EXD1: variants seen among roughly 807,000 people sequenced by gnomAD.
The protein encoded by EXD1 is exonuclease 3'-5' domain containing 1, also known as piRNA biogenesis protein EXD1.
Under a neutral mutation model 49.1 loss-of-function variants are expected in EXD1, and 63 were observed. That is an observed-to-expected ratio of 1.28 (90% CI 1.05 to 1.58). The LOEUF (loss-of-function observed/expected upper bound fraction) is 1.58. Among genes scored for constraint, EXD1 ranks in the 40% most tolerant of loss-of-function variants. EXD1 has a pLI of 0.00. For synonymous variants in EXD1, 234 were observed against 239.2 expected, an observed-to-expected ratio of 0.98 and a Z score of 0.20; for missense variants, 748 against 666.0, an observed-to-expected ratio of 1.12 and a Z score of -1.36.
At chr15:41,186,317 T>C (rs1030519098) in intron 11 of EXD1, among the ~76,000 whole-genome samples, 3 of 151,578 alleles carry the variant, frequency 2.0e-5, no homozygotes, top group African/African-American at 7.3e-5. Context: ...ACTAAAAATA[T>C]AAAAATTAGC....
intron 2 of EXD1, among the ~76,000 whole-genome samples, chr15:41,220,788 CT>C (rs2047076342): frequency 6.6e-6 from 1 of 152,158 alleles, no homozygotes; most frequent in Non-Finnish European, 1.5e-5. Flanking sequence ...GAGTTCCACC[CT>C]CACTATTCCA....
chr15:41,214,993 C>T (rs1481481667), intron 6 of EXD1, among the ~76,000 whole-genome samples: 2 of 152,136 alleles, frequency 1.3e-5, no homozygotes, highest in Non-Finnish European at 2.9e-5. Flanking sequence ...GATCCACCCG[C>T]CTCAGCCTCC....
At chr15:41,213,409 C>T (rs1388224897) in intron 6 of EXD1, among the ~76,000 whole-genome samples, 4 of 152,024 alleles carry the variant, frequency 2.6e-5, no homozygotes, top group African/African-American at 7.3e-5. Flanking sequence ...CCATGTTGGT[C>T]GGGCTGGTCT....
chr15:41,199,109 G>C (rs561799853), intron 7 of EXD1, among the ~76,000 whole-genome samples: 1 of 151,976 alleles, frequency 6.6e-6, no homozygotes, highest in African/African-American at 2.4e-5. Context: ...ACAGGTGCAC[G>C]CCAACACACC....
At chr15:41,228,595 T>C (rs979861437) in intron 1 of EXD1, among the ~76,000 whole-genome samples, 3 of 152,136 alleles carry the variant, frequency 2.0e-5, no homozygotes, top group Non-Finnish European at 4.4e-5. Context: ...TCAGAGAGTC[T>C]AAGAAAAACC....
chr15:41,225,238 C>G (rs1295584053), intron 2 of EXD1, among the ~76,000 whole-genome samples: 1 of 152,144 alleles, frequency 6.6e-6, no homozygotes, highest in East Asian at 1.9e-4. Context: ...CTGCTGAAGT[C>G]AAAAACAATT....
chr15:41,230,620 G>A lies in EXD1; in HGVS notation c.-195C>T, dbSNP rs1218505393. Reference sequence around the variant, plus strand: ...CTAAAAGAAGAGGGGCTGCAATGAAGGAAGAAGTCTCGGGACGCTCCACGC... The same window carrying A: ...CTAAAAGAAGAGGGGCTGCAATGAAAGAAGAAGTCTCGGGACGCTCCACGC... On this transcript the variant is annotated 5_prime_UTR_variant, in exon 1 of 12. Transcript: ENST00000458580. 6.6e-7 allele frequency: 1 copy of A among 1,512,660 alleles called. No homozygotes were observed. Among genetic ancestry groups the A allele is most frequent in the African/African-American group, 1.4e-5 (1 of 72,034 alleles). The allele number at this position is 1,512,660 out of a possible 1,614,324, so 93.7% of individuals were successfully genotyped here.
intron 2 of EXD1, among the ~76,000 whole-genome samples, chr15:41,223,720 C>T (rs904632507): frequency 3.3e-5 from 5 of 151,444 alleles, no homozygotes; most frequent in Non-Finnish European, 5.9e-5. Context: ...GAAAAATCAG[C>T]CGGGCGTGGT....
chr15:41,191,665 A>T, intron 9 of EXD1, 80 bp from the exon 10 acceptor site: 7 of 1,340,776 alleles, frequency 5.2e-6, no homozygotes, highest in Non-Finnish European at 7.2e-6. Flanking sequence ...ATTTAGAGAA[A>T]TGTCTAAATA....
Position 41,191,483 on chromosome 15 carries a change from T to G in EXD1, c.823A>C (p.Lys275Gln). ...SLIKHLQVAP[K>Q]YLSFLEKRQK... The stretch of plus-strand genomic sequence containing the variant: ...CTCTTTTCTAGAAAGGAGAGATATT[T>G]AGGGGCTACTTGAAGGTGTTTGATT... Residue 275 changes from lysine to glutamine, a missense_variant, in exon 10 of 12, where the codon AAA becomes CAA. By Grantham distance (53) the Lys-to-Gln change is moderately conservative. Transcript: ENST00000458580. 6.2e-7 allele frequency: 1 copy of G among 1,612,884 alleles called. No homozygotes were observed. The highest frequency in any genetic ancestry group is 8.5e-7 in the Non-Finnish European group (1 of 1,178,962).
chr15:41,184,297 T>A lies in EXD1; in HGVS notation c.1353A>T (p.Gln451His). 6.8e-6 allele frequency: 11 copies of A among 1,614,218 alleles called. No individual in the cohort carries two copies. The highest frequency in any genetic ancestry group is 6.8e-6 in the Non-Finnish European group (8 of 1,180,038). ...CCCCTTCCTCTGTGGGAGGTAGATG[T>A]TGAGGATTTGTAGCTTGTTTATTCA... ...ESLNKQATNP[Q>H]HLPPTEEGET... The change falls in exon 12 of 12, where the codon CAA becomes CAT. Residue 451 changes from glutamine (Q) to histidine (H), a missense_variant. Gln to His is a conservative substitution (Grantham distance 24). Transcript: ENST00000458580.
chr15:41,217,234 T>G, intron 3 of EXD1, 80 bp from the exon 4 acceptor site: 1 of 1,165,954 alleles, frequency 8.6e-7, no homozygotes, highest in South Asian at 1.3e-5. Flanking sequence ...ACACCCCTAG[T>G]TTAACCATGT....
intron 9 of EXD1, chr15:41,191,960 T>C: frequency 5.5e-6 from 1 of 182,322 alleles, no homozygotes; most frequent in Non-Finnish European, 1.1e-5. Context: ...ACTTTTTTTT[T>C]TTTAAGAGAC....
In EXD1 at chr15:41,184,501, AT is replaced by A; in HGVS notation, c.1148del (p.Asn383MetfsTer6). 3.1e-6 allele frequency: 5 copies of A among 1,614,088 alleles called. No homozygotes were observed. The highest frequency in any genetic ancestry group is 4.2e-6 in the Non-Finnish European group (5 of 1,180,006). ...CTGTCCTTATCAGGAGTCCCTGTGC[AT>A]TCACCCTATATTCTCTTGCAGCTTT... is the stretch of plus-strand genomic sequence containing the variant. The part of the protein sequence containing the change: ...REKAAREYRV[N>X]AQGLLIRTVL... On this transcript the variant is annotated frameshift_variant, in exon 12 of 12. Transcript: ENST00000458580. LOFTEE classifies it low-confidence loss of function (END_TRUNC).
At chr15:41,184,741 G>T (rs1305336090) in intron 11 of EXD1, 148 bp from the exon 12 acceptor site, 1 of 819,164 alleles carries the variant, frequency 1.2e-6, no homozygotes, top group East Asian at 3.1e-5. Context: ...TGCAAGCTCT[G>T]CCTCCTGGGT....
At chr15:41,221,960 C>T (rs77957505) in intron 2 of EXD1, among the ~76,000 whole-genome samples, 24,741 of 151,130 alleles carry the variant, frequency 0.16, 3,768 homozygotes, top group African/African-American at 0.4. Context: ...ATTAGCCAGG[C>T]GCGGTGGCAG....
At chr15:41,203,672 T>G (rs543797526) in intron 7 of EXD1, among the ~76,000 whole-genome samples, 1 of 151,692 alleles carries the variant, frequency 6.6e-6, no homozygotes, top group South Asian at 2.1e-4. Flanking sequence ...ATCCTAGCAC[T>G]TTGAGAGACC....
chr15:41,219,328 T>C (rs750836657), intron 3 of EXD1: 1 of 152,202 alleles, frequency 6.6e-6, no homozygotes, highest in Non-Finnish European at 1.5e-5. Flanking sequence ...GATATGCTAT[T>C]TATAGTCCGA....
At chr15:41,229,699 C>T (rs1164513451) in intron 1 of EXD1, among the ~76,000 whole-genome samples, 1 of 152,088 alleles carries the variant, frequency 6.6e-6, no homozygotes, top group African/African-American at 2.4e-5. Flanking sequence ...ACCCGGGAGG[C>T]GGAAGTTTCG....
Sources: gnomAD v4.1 joint callset for allele counts (sites outside exome capture counted in the v4.1 genomes callset) on GRCh38, gnomAD v4.1.1 for gene constraint, MANE v1.5 for transcripts, NCBI Gene and HGNC (gene_info 2026-07-23, HGNC 2026-07-21) for gene names.